Variants in KDM3B observed in about 807,000 individuals in gnomAD.
KDM3B encodes the protein lysine-specific demethylase 3B.
In KDM3B, 10 loss-of-function variants were observed where a neutral mutation model predicts 170.0. The observed-to-expected ratio is 0.06, with a 90% CI of 0.04 to 0.10. The LOEUF (loss-of-function observed/expected upper bound fraction) is 0.10. Among genes scored for constraint, KDM3B ranks in the 10% least tolerant of loss-of-function variants. The pLI, the probability that KDM3B is intolerant of heterozygous loss-of-function variation, is 1.00. For missense variants in KDM3B, 1,394 were observed against 2,195.2 expected (o/e 0.64, Z 7.29); for synonymous variants, 831 against 834.8 (o/e 1.00, Z 0.08).
chr5:138,423,382 G>A (rs1244340932), intron 15 of KDM3B, among the ~76,000 whole-genome samples: 1 of 152,166 alleles, frequency 6.6e-6, no homozygotes, highest in Non-Finnish European at 1.5e-5. Context: ...TATAGAGATA[G>A]GGATTAGTAA....
At position 138,427,952 on chromosome 5, in the gene KDM3B, TC is replaced by T. The variant is rs1253975274; in HGVS notation, c.4634-13del. ...TATTGGCCCTTCACCTTGCATATTT[TC>T]CTTTCTCCTTTAGGGTTGATAACAG... On this transcript the variant is annotated splice_polypyrimidine_tract_variant and intron_variant, in intron 19 of 23. Transcript: ENST00000314358. The T allele has an allele frequency of 6.2e-7, 1 of 1,609,530 alleles. No individual in the cohort carries two copies. The highest frequency in any genetic ancestry group is 1.1e-5 in the South Asian group (1 of 90,174).
chr5:138,368,131 T>C (rs1389159834), intron 1 of KDM3B, among the ~76,000 whole-genome samples: 4 of 152,222 alleles, frequency 2.6e-5, no homozygotes. Context: ...TTTTTGCTAG[T>C]TTATATCCCT....
rs1016719279 is a variant in KDM3B, at chr5:138,434,505, G to A, written c.5206-1115G>A. Among the ~76,000 whole-genome samples, 5 of 146,364 alleles carry A rather than the reference G, an allele frequency of 3.4e-5. No homozygotes were observed. The South Asian group carries it at 1.1e-3, about 32-fold the overall frequency. ...GGAGGTTGCAGTGAGCTGAGATGGC[G>A]CCACTGCACTCCAGCGTGGGCAACA... On this transcript the variant is annotated intron_variant, in intron 23 of 23. Coordinates refer to ENST00000314358, the MANE Select transcript of KDM3B (RefSeq NM_016604.4).
chr5:138,389,934 AC>A (rs1438438690), intron 7 of KDM3B, among the ~76,000 whole-genome samples: 1 of 151,964 alleles, frequency 6.6e-6, no homozygotes, highest in African/African-American at 2.4e-5. Context: ...ATCTGGGCTC[AC>A]TGCAACCTCC....
In KDM3B at chr5:138,392,410, C is replaced by T. The variant is rs182845842; in HGVS notation, c.2629+149C>T. 2.8e-5 allele frequency: 22 copies of T among 783,590 alleles called. No homozygotes were observed. In the East Asian group the frequency reaches 3.3e-4, roughly 12 times the overall value. 48.5% of individuals were successfully genotyped at this position (783,590 alleles called of 1,614,324 possible). A position where few individuals can be genotyped will look rare whatever the true frequency, so the allele number is the denominator to read the frequency against. On this transcript the variant is annotated intron_variant, in intron 8 of 23. Transcript: ENST00000314358. ...CCAAGAGGACCTGGCAGAGGCCCCTCGTCAGGCCTGGTTCAGGGCAGGATT... is the reference window on the plus strand; with the variant it reads ...CCAAGAGGACCTGGCAGAGGCCCCTTGTCAGGCCTGGTTCAGGGCAGGATT...
At chr5:138,370,036 C>G (rs1217690046) in intron 1 of KDM3B, among the ~76,000 whole-genome samples, 2 of 152,152 alleles carry the variant, frequency 1.3e-5, no homozygotes, top group African/African-American at 4.8e-5. Flanking sequence ...GGAGTCTGCA[C>G]TTAAATGTAA....
chr5:138,386,284 C>G lies in KDM3B; in HGVS notation c.1043C>G (p.Pro348Arg). 1 of 1,614,150 alleles carries G rather than the reference C, an allele frequency of 6.2e-7. No individual in the cohort carries two copies. Reference sequence around the variant, plus strand: ...AAGCAGCCACCGTCTACATTTGTCCCCCAGATAAACCGCAACATTCGCTTT... The same window carrying G: ...AAGCAGCCACCGTCTACATTTGTCCGCCAGATAAACCGCAACATTCGCTTT... ...RAKQPPSTFV[P>R]QINRNIRFAT... is the part of the protein sequence containing the mutation. Residue 348 changes from proline to arginine, a missense_variant, in exon 7 of 24, where the codon CCC (proline) becomes CGC (arginine). Coordinates refer to ENST00000314358, the MANE Select transcript of KDM3B (RefSeq NM_016604.4).
chr5:138,401,915 T>C (rs960157192), intron 11 of KDM3B, among the ~76,000 whole-genome samples: 3 of 152,102 alleles, frequency 2.0e-5, no homozygotes, highest in African/African-American at 7.2e-5. Context: ...TAACTTTTCT[T>C]TTTTCTTTCT....
intron 13 of KDM3B, among the ~76,000 whole-genome samples, chr5:138,418,443 C>T (rs1052329060): frequency 1.3e-5 from 2 of 152,134 alleles, no homozygotes; most frequent in African/African-American, 4.8e-5. Context: ...GGCAACACTG[C>T]TACAACACAT....
intron 11 of KDM3B, among the ~76,000 whole-genome samples, chr5:138,406,967 T>C (rs1222910997): frequency 2.0e-5 from 3 of 150,254 alleles, no homozygotes; most frequent in Non-Finnish European, 4.4e-5. Context: ...ATTATGAACA[T>C]TATTATGCCA....
chr5:138,378,930 T>C (rs1466578186), intron 4 of KDM3B, among the ~76,000 whole-genome samples: 2 of 152,058 alleles, frequency 1.3e-5, no homozygotes, highest in South Asian at 2.1e-4. Context: ...TACAAGGATA[T>C]GTGGGAGAGA....
chr5:138,390,664 T>C (rs1762404340), intron 7 of KDM3B, among the ~76,000 whole-genome samples: 1 of 152,188 alleles, frequency 6.6e-6, no homozygotes, highest in Non-Finnish European at 1.5e-5. Context: ...GGAACCCTTT[T>C]CTCCAGTTCC....
At chr5:138,374,368 C>A in intron 2 of KDM3B, 2 of 392,210 alleles carry the variant, frequency 5.1e-6, no homozygotes, top group Non-Finnish European at 1.0e-5. Context: ...AAGCAATTCT[C>A]CTGCCTCAGC....
In KDM3B at chr5:138,428,065, G is replaced by T. The variant is rs1301363836; in HGVS notation, c.4732G>T (p.Gly1578Trp). Reference protein sequence around the residue: ...NVMVYVGIPIGEGAHDEEVLK... With the variant: ...NVMVYVGIPIWEGAHDEEVLK... ...GATGGTGTATGTTGGGATTCCCATC[G>T]GGGAGGGTGCTCATGATGAAGGTAT... Residue 1578 changes from glycine (G) to tryptophan (W), a missense_variant, in exon 20 of 24, where the codon GGG (glycine) becomes TGG (tryptophan). Around this residue, in one of 19 missense-constraint regions of KDM3B, gnomAD observed 79 missense variants for 270.5 expected, o/e 0.29. Coordinates refer to ENST00000314358, the MANE Select transcript of KDM3B (RefSeq NM_016604.4). 1 of 1,613,802 alleles carries T rather than the reference G, an allele frequency of 6.2e-7. No individual in the cohort carries two copies. Among genetic ancestry groups the T allele is most frequent in the Non-Finnish European group, 8.5e-7 (1 of 1,179,848 alleles).
chr5:138,424,474 G>A (rs1230319164), intron 16 of KDM3B, 133 bp downstream of exon 16: 12 of 1,062,124 alleles, frequency 1.1e-5, no homozygotes, highest in East Asian at 2.4e-5. Context: ...TTGCTACTTC[G>A]AGTTGTCTTG....
At chr5:138,375,752 C>A (rs1013292944) in intron 3 of KDM3B, among the ~76,000 whole-genome samples, 1 of 151,948 alleles carries the variant, frequency 6.6e-6, no homozygotes, top group African/African-American at 2.4e-5. Flanking sequence ...TCTTGGCTCA[C>A]TGAAACCTCT....
At chr5:138,357,366 A>ATTT (rs397715674) in intron 1 of KDM3B, among the ~76,000 whole-genome samples, 1 of 145,924 alleles carries the variant, frequency 6.9e-6, no homozygotes, top group Non-Finnish European at 1.5e-5. Flanking sequence ...TTTAAAAAAC[A>ATTT]TTTTTTTTTT....
At chr5:138,408,352 T>C (rs1762877315) in intron 11 of KDM3B, among the ~76,000 whole-genome samples, 1 of 151,044 alleles carries the variant, frequency 6.6e-6, no homozygotes, top group South Asian at 2.1e-4. Flanking sequence ...CTTTTTTTTT[T>C]CTTTTTTTCC....
chr5:138,421,297 C>G (rs1393369813), intron 15 of KDM3B, among the ~76,000 whole-genome samples: 1 of 152,070 alleles, frequency 6.6e-6, no homozygotes, highest in Non-Finnish European at 1.5e-5. Context: ...TAATAGATGT[C>G]TCAAACCTTT....
Sources: allele counts gnomAD v4.1 joint callset (sites outside exome capture counted in the v4.1 genomes callset), GRCh38; gene constraint gnomAD v4.1.1; regional missense constraint gnomAD v4.1.1; transcripts MANE v1.5; gene names NCBI Gene and HGNC (gene_info 2026-07-23, HGNC 2026-07-21).